ADAMTSL3: variants seen among roughly 807,000 people sequenced by gnomAD.
The protein encoded by ADAMTSL3 is ADAMTS like 3, also known as ADAMTS-like protein 3.
Under a neutral mutation model 201.7 loss-of-function variants are expected in ADAMTSL3, and 128 were observed. That is an observed-to-expected ratio of 0.63 (90% confidence interval 0.55 to 0.73). The LOEUF (loss-of-function observed/expected upper bound fraction) is 0.73. Among genes scored for constraint, ADAMTSL3 ranks in the 30% least tolerant of loss-of-function variants. The pLI is 0.00. For missense variants in ADAMTSL3, 1,990 were observed against 2,119.6 expected, an observed-to-expected ratio of 0.94 and a Z score of 1.20; for synonymous variants, 738 against 748.4, an observed-to-expected ratio of 0.99 and a Z score of 0.23.
chr15:83,769,689 A>C (rs981209110), intron 3 of ADAMTSL3, among the ~76,000 whole-genome samples: 11 of 152,300 alleles, frequency 7.2e-5, no homozygotes, highest in Non-Finnish European at 1.2e-4. Context: ...GACTTGAGTG[A>C]AAATTATTGG....
intron 6 of ADAMTSL3, among the ~76,000 whole-genome samples, chr15:83,829,439 A>G (rs1350110942): frequency 1.3e-5 from 2 of 151,930 alleles, no homozygotes; most frequent in Non-Finnish European, 2.9e-5. Flanking sequence ...TAGTCTTGCT[A>G]GCAGTCTATC....
chr15:83,729,027 T>A (rs1276809379), intron 3 of ADAMTSL3, among the ~76,000 whole-genome samples: 2 of 152,116 alleles, frequency 1.3e-5, no homozygotes, highest in African/African-American at 4.8e-5. Flanking sequence ...GGATATACTA[T>A]TCTAGGATAA....
intron 23 of ADAMTSL3, among the ~76,000 whole-genome samples, chr15:84,001,705 A>G (rs1302043383): frequency 1.3e-5 from 2 of 152,216 alleles, no homozygotes; most frequent in Non-Finnish European, 2.9e-5. Context: ...GGTGGGCAAC[A>G]GGCTCAACCT....
chr15:83,736,939 C>G (rs1407214607), intron 3 of ADAMTSL3, among the ~76,000 whole-genome samples: 3 of 152,104 alleles, frequency 2.0e-5, no homozygotes, highest in Non-Finnish European at 4.4e-5. Flanking sequence ...CAATACCCAC[C>G]CTGGAAGAGG....
chr15:83,956,672 C>T (rs1001159641), intron 19 of ADAMTSL3, among the ~76,000 whole-genome samples: 16 of 147,038 alleles, frequency 1.1e-4, no homozygotes, highest in South Asian at 2.2e-4. Context: ...ACACACACAC[C>T]GCACAGGCAC....
chr15:83,842,724 A>G (rs573736707), intron 7 of ADAMTSL3, among the ~76,000 whole-genome samples: 4 of 152,354 alleles, frequency 2.6e-5, no homozygotes, highest in African/African-American at 9.6e-5. Context: ...CCAAAGTTTT[A>G]GGACTCAGAT....
intron 26 of ADAMTSL3, among the ~76,000 whole-genome samples, chr15:84,023,723 C>T: frequency 6.6e-6 from 1 of 152,118 alleles, no homozygotes; most frequent in East Asian, 1.9e-4. Flanking sequence ...AACCTTTGCA[C>T]ACTCCTAGGA....
At chr15:83,768,313 A>G (rs1356458375) in intron 3 of ADAMTSL3, among the ~76,000 whole-genome samples, 1 of 152,252 alleles carries the variant, frequency 6.6e-6, no homozygotes, top group East Asian at 1.9e-4. Context: ...AGAAACTCAG[A>G]GTCAAACAGC....
At chr15:83,871,068 A>C (rs1424211421) in intron 9 of ADAMTSL3, 109 bp downstream of exon 9, 4 of 1,225,880 alleles carry the variant, frequency 3.3e-6, no homozygotes, top group Non-Finnish European at 3.4e-6. Flanking sequence ...TTTTTTATAC[A>C]GAGCATGTGT....
At chr15:83,951,154 T>G (rs1285485846) in intron 19 of ADAMTSL3, among the ~76,000 whole-genome samples, 2 of 152,164 alleles carry the variant, frequency 1.3e-5, no homozygotes, top group African/African-American at 4.8e-5. Flanking sequence ...GCTGTGGGTC[T>G]GTCATACATG....
At chr15:84,017,098 G>GTTATT (rs1400640169) in intron 25 of ADAMTSL3, among the ~76,000 whole-genome samples, 2 of 151,812 alleles carry the variant, frequency 1.3e-5, no homozygotes. Context: ...TAATTATTTT[G>GTTATT]TTATTTTATT....
At chr15:83,765,333 A>G (rs770325133) in intron 3 of ADAMTSL3, among the ~76,000 whole-genome samples, 1 of 152,204 alleles carries the variant, frequency 6.6e-6, no homozygotes, top group Non-Finnish European at 1.5e-5. Context: ...AGATCCCCTT[A>G]AATAACCTTT....
At chr15:84,002,050 A>G (rs1382542438) in intron 23 of ADAMTSL3, among the ~76,000 whole-genome samples, 1 of 152,220 alleles carries the variant, frequency 6.6e-6, no homozygotes, top group Admixed American at 6.5e-5. Context: ...TCTGCTCTTT[A>G]AAGATTCACT....
At chr15:84,006,063 A>G (rs1339356130) in intron 23 of ADAMTSL3, among the ~76,000 whole-genome samples, 3 of 152,240 alleles carry the variant, frequency 2.0e-5, no homozygotes, top group Non-Finnish European at 4.4e-5. Flanking sequence ...AACGTTCCTT[A>G]CAAAATTTAC....
intron 3 of ADAMTSL3, among the ~76,000 whole-genome samples, chr15:83,770,169 G>A (rs2062956896): frequency 6.6e-6 from 1 of 152,060 alleles, no homozygotes; most frequent in Non-Finnish European, 1.5e-5. Flanking sequence ...CATGTACAAA[G>A]TATACATGCA....
intron 3 of ADAMTSL3, among the ~76,000 whole-genome samples, chr15:83,745,979 GGA>G (rs879697005): frequency 1.2e-4 from 19 of 152,182 alleles, no homozygotes; most frequent in Non-Finnish European, 2.6e-4. Flanking sequence ...TCAGCTGCAG[GGA>G]ACATAATGCC....
chr15:83,725,387 G>A (rs1352833488), intron 3 of ADAMTSL3, among the ~76,000 whole-genome samples: 1 of 152,102 alleles, frequency 6.6e-6, no homozygotes, highest in Non-Finnish European at 1.5e-5. Flanking sequence ...GGGACCACAG[G>A]CTTTTTAACT....
rs2065660139 is a variant in ADAMTSL3, at chr15:83,898,440, CTT to C, written c.1615+437_1615+438del. ...TTCTTTTCCCAAGATTCTCATTCTT[CTT>C]TATAGCTACCTCTCCGCTGGAGTAT... On this transcript the variant is annotated intron_variant, in intron 14 of 29. Coordinates refer to ENST00000286744, the MANE Select transcript of ADAMTSL3 (RefSeq NM_207517.3). Among the ~76,000 whole-genome samples, 3 of 152,222 alleles carry C rather than the reference CTT, an allele frequency of 2.0e-5. No individual in the cohort carries two copies. In the South Asian group the frequency reaches 6.2e-4, roughly 32 times the overall value.
chr15:84,010,222 A>C (rs1257089366), intron 23 of ADAMTSL3, among the ~76,000 whole-genome samples: 1 of 152,204 alleles, frequency 6.6e-6, no homozygotes. Context: ...GAAGTATTTG[A>C]AGGAATTTCT....
Sources: gnomAD v4.1 joint callset for allele counts (sites outside exome capture counted in the v4.1 genomes callset) on GRCh38, gnomAD v4.1.1 for gene constraint, MANE v1.5 for transcripts, NCBI Gene and HGNC (gene_info 2026-07-23, HGNC 2026-07-21) for gene names.